MGAM: variants seen among roughly 807,000 people sequenced by gnomAD.
MGAM encodes the protein alpha-1,4-glucosidase.
MGAM carries 253 observed loss-of-function variants against 358.8 expected under a neutral mutation model. The ratio of observed to expected loss-of-function variants is 0.71; its 90% confidence interval spans 0.64 to 0.78. MGAM has a LOEUF of 0.78. MGAM is among the 30% of genes least tolerant of loss of function. The pLI is 0.00. For synonymous variants in MGAM, 1,105 were observed against 1,227.1 expected, an observed-to-expected ratio of 0.90 and a Z score of 2.08; for missense variants, 3,080 against 3,432.6, an observed-to-expected ratio of 0.90 and a Z score of 2.57.
Position 142,065,957 on chromosome 7 carries a change from TG to T in MGAM, c.4770+127del, listed in dbSNP as rs1480850763. The T allele has an allele frequency of 9.2e-6, 7 of 760,814 alleles. No individual in the cohort carries two copies. The African/African-American group carries it at 1.3e-4, about 14-fold the overall frequency. 47.1% of individuals were successfully genotyped at this position (760,814 alleles called of 1,614,324 possible). ...TAAAAAAAGGTGTTTTTTTTTGTTTTGTTTTGTTTTGTTTTTTTTTTTGAAA... is the reference window on the plus strand; with the variant it reads ...TAAAAAAAGGTGTTTTTTTTTGTTTTTTTTGTTTTGTTTTTTTTTTTGAAA... On this transcript the variant is annotated intron_variant, in intron 40 of 70. Coordinates refer to ENST00000475668, the MANE Select transcript of MGAM (RefSeq NM_001365693.1).
chr7:142,096,889 C>T (rs1476003847), intron 65 of MGAM, among the ~76,000 whole-genome samples: 1 of 151,306 alleles, frequency 6.6e-6, no homozygotes, highest in Non-Finnish European at 1.5e-5. Flanking sequence ...GTTGATTAGG[C>T]TTCTGATTAA....
intron 50 of MGAM, among the ~76,000 whole-genome samples, chr7:142,081,662 A>C (rs1056331657): frequency 6.8e-6 from 1 of 146,092 alleles, no homozygotes; most frequent in African/African-American, 2.4e-5. Flanking sequence ...TGGAAGAAGC[A>C]CAAATGGGAG....
At chr7:141,997,345 G>A (rs1303670056) in intron 1 of MGAM, among the ~76,000 whole-genome samples, 3 of 152,122 alleles carry the variant, frequency 2.0e-5, no homozygotes, top group Non-Finnish European at 4.4e-5. Flanking sequence ...TGTTGTGCTG[G>A]TAGGTCCCTG....
At chr7:142,036,383 A>G (rs1807999830) in intron 17 of MGAM, 98 bp downstream of exon 17, 4 of 885,732 alleles carry the variant, frequency 4.5e-6, no homozygotes, top group Non-Finnish European at 7.2e-6. Flanking sequence ...CCAACCTCTT[A>G]CCTGGTCTTC....
chr7:142,001,259 TC>T (rs1804710500), intron 1 of MGAM, among the ~76,000 whole-genome samples: 1 of 152,186 alleles, frequency 6.6e-6, no homozygotes, highest in African/African-American at 2.4e-5. Context: ...CTTTCACAGC[TC>T]CATTTCCTTT....
At position 142,025,685 on chromosome 7, in the gene MGAM, G is replaced by A. The variant is rs550886112; in HGVS notation, c.982+536G>A. On this transcript the variant is annotated intron_variant, in intron 8 of 70. Coordinates refer to ENST00000475668, the MANE Select transcript of MGAM (RefSeq NM_001365693.1). ...ATAGTAAGATGAGTATAGAAATGGCGAGTAAGCAATGCTGTAGCCTCCACA... is the reference window on the plus strand; with the variant it reads ...ATAGTAAGATGAGTATAGAAATGGCAAGTAAGCAATGCTGTAGCCTCCACA... Among the ~76,000 whole-genome samples the A allele has an allele frequency of 8.5e-5, 13 of 152,232 alleles. No homozygotes were observed. In the East Asian group the frequency reaches 1.2e-3, roughly 14 times the overall value.
rs181459184 is a variant in MGAM, at chr7:142,094,385, A to T, written c.7194A>T (p.Gly2398=). The T allele has an allele frequency of 2.7e-4, 405 of 1,528,144 alleles. 67 individuals carry two copies. Among genetic ancestry groups the T allele is most frequent in the Non-Finnish European group, 3.3e-4 (364 of 1,118,788 alleles). 94.7% of individuals were successfully genotyped at this position (1,528,144 alleles called of 1,614,324 possible). A position where few individuals can be genotyped will look rare whatever the true frequency, so the allele number is the denominator to read the frequency against. The change falls in exon 61 of 71, where the codon GGA becomes GGT. Residue 2398 remains glycine (G), a synonymous_variant. Transcript: ENST00000475668. The part of the protein sequence containing the change: ...PTYEAVQEVT[G]QRGVVITRST... ...CCAGAGCCGTGCAGGAGGTGACAGG[A>T]CAGCGAGGGGTCGTCATCACCCGCT...
intron 16 of MGAM, 120 bp from the exon 17 acceptor site, chr7:142,036,049 C>T: frequency 1.4e-6 from 1 of 703,678 alleles, no homozygotes; most frequent in Non-Finnish European, 2.4e-6. Context: ...ATTTTGACCA[C>T]CCTCCTAGCC....
At chr7:142,067,963 TAAATATATATATATATATATA>T (rs1461693018) in intron 42 of MGAM, among the ~76,000 whole-genome samples, 7 of 34,416 alleles carry the variant, frequency 2.0e-4, no homozygotes, top group African/African-American at 6.3e-4. Context: ...TATATATATA[TAAATATATATATATATATATA>T]TATTTTTTTT....
intron 56 of MGAM, 43 bp downstream of exon 56, chr7:142,086,371 TG>T (rs1395239182): frequency 7.0e-7 from 1 of 1,432,668 alleles, no homozygotes; most frequent in Non-Finnish European, 9.6e-7. Context: ...AGCCTGAGGG[TG>T]GGTCACTGTT....
chr7:142,043,749 A>T (rs1460491741), intron 21 of MGAM, among the ~76,000 whole-genome samples: 1 of 79,284 alleles, frequency 1.3e-5, no homozygotes, highest in African/African-American at 3.9e-5. Context: ...CATTATATAC[A>T]CATACGACAT....
Position 142,043,748 on chromosome 7 carries a change from CACATACGA to C in MGAM, c.2498+2903_2498+2910del, listed in dbSNP as rs1563151791. 1.1e-3 allele frequency among the ~76,000 whole-genome samples: 88 copies of C among 80,574 alleles called. 5 individuals are homozygous for C. The highest frequency in any genetic ancestry group is 8.7e-3 in the South Asian group (24 of 2,770). The allele number at this position is 80,574 out of a possible 152,430, so 52.9% of individuals were successfully genotyped here. A position where few individuals can be genotyped will look rare whatever the true frequency, so the allele number is the denominator to read the frequency against. On this transcript the variant is annotated intron_variant, in intron 21 of 70. Coordinates refer to ENST00000475668, the MANE Select transcript of MGAM (RefSeq NM_001365693.1). ...TAATATATAATATATACATTATATA[CACATACGA>C]CATATAATATATACATTATATACAC...
intron 42 of MGAM, among the ~76,000 whole-genome samples, 153 bp downstream of exon 42, chr7:142,067,578 C>G (rs561456447): frequency 8.5e-6 from 1 of 117,930 alleles, no homozygotes; most frequent in South Asian, 2.7e-4. Flanking sequence ...AAGTCCATCA[C>G]TTAGGTGTTC....
rs140902068 is a variant in MGAM at position 142,062,806 on chromosome 7, A to G, written c.4257+104A>G. On this transcript the variant is annotated intron_variant, in intron 35 of 70. Coordinates refer to ENST00000475668, the MANE Select transcript of MGAM (RefSeq NM_001365693.1). ...AATCAAGAGGATAGTCATTGTCCAA[A>G]GAAGACTTTGGACATAGCAGACACT... is the stretch of plus-strand genomic sequence containing the variant. 2,111 of 1,546,434 alleles carry G rather than the reference A, an allele frequency of 1.4e-3. 25 individuals carry two copies. In the African/African-American group the frequency reaches 0.02, roughly 15 times the overall value.
At chr7:142,042,772 T>TATA (rs1468371929) in intron 21 of MGAM, among the ~76,000 whole-genome samples, 1 of 78,956 alleles carries the variant, frequency 1.3e-5, no homozygotes, top group Non-Finnish European at 2.2e-5. Flanking sequence ...TATATATACA[T>TATA]ATATCTAAAT....
At chr7:141,991,934 C>T (rs1554447415), upstream of MGAM, among the ~76,000 whole-genome samples, 2 of 152,114 alleles carry the variant, frequency 1.3e-5, no homozygotes, top group South Asian at 2.1e-4. Context: ...TGGAGCTAAG[C>T]CTTTAAACTG....
chr7:142,050,284 A>C lies in MGAM; in HGVS notation c.2637A>C (p.Gln879His). ...VYLLCEFSVT[Q>H]NRLEVNISQS... Reference sequence around the variant, plus strand: ...TTTTATGTGAGTTTTCTGTCACTCAAGTGAGTAGCATATTTTTATGAATCT... The same window carrying C: ...TTTTATGTGAGTTTTCTGTCACTCACGTGAGTAGCATATTTTTATGAATCT... The change falls in exon 23 of 71, where the codon CAA (glutamine) becomes CAC (histidine). Residue 879 changes from glutamine to histidine, a missense_variant and splice_region_variant. Physicochemically the swap from Gln to His is conservative, Grantham distance 24. This residue lies in a region of MGAM where 1,816 missense variants were observed against 1,840.5 expected (regional missense o/e 0.99). Transcript: ENST00000475668. 2.5e-6 allele frequency: 4 copies of C among 1,613,076 alleles called. No homozygotes were observed. The highest frequency in any genetic ancestry group is 3.4e-6 in the Non-Finnish European group (4 of 1,179,136).
chr7:142,052,245 A>C, intron 24 of MGAM, 49 bp from the exon 25 acceptor site: 1 of 1,500,454 alleles, frequency 6.7e-7, no homozygotes, highest in Non-Finnish European at 8.9e-7. Context: ...GGTCTTGCAA[A>C]GCCTGTCTCC....
chr7:142,008,057 TG>T (rs1449733567), intron 2 of MGAM, among the ~76,000 whole-genome samples: 1 of 152,198 alleles, frequency 6.6e-6, no homozygotes, highest in Non-Finnish European at 1.5e-5. Flanking sequence ...GACTTAATTT[TG>T]CCCTAGTAGC....
Sources: allele counts gnomAD v4.1 joint callset (sites outside exome capture counted in the v4.1 genomes callset), GRCh38; gene constraint gnomAD v4.1.1; regional missense constraint gnomAD v4.1.1; transcripts MANE v1.5; gene names NCBI Gene and HGNC (gene_info 2026-07-23, HGNC 2026-07-21).